The following IDO2 variants were observed in gnomAD, a reference collection of about 807,000 sequenced individuals.
IDO2 encodes the protein indoleamine 2,3-dioxygenase-like 1 protein.
IDO2 carries 46 observed loss-of-function variants against 45.1 expected under a neutral mutation model. That is an observed-to-expected ratio of 1.02 (90% CI 0.80 to 1.30). The LOEUF is 1.30. Among genes scored for constraint, IDO2 ranks in the 50% most tolerant of loss-of-function variants. IDO2 has a pLI of 0.00. For missense variants in IDO2, 544 were observed against 491.8 expected (o/e 1.11, Z -1.00); for synonymous variants, 218 against 184.9 (o/e 1.18, Z -1.45).
intron 2 of IDO2, among the ~76,000 whole-genome samples, chr8:39,955,468 C>T (rs575016438): frequency 6.6e-6 from 1 of 151,994 alleles, no homozygotes; most frequent in East Asian, 1.9e-4. Context: ...GTTGGCCAGG[C>T]TGGTCTCGAA....
chr8:39,975,815 G>A (rs763227685), intron 3 of IDO2, among the ~76,000 whole-genome samples: 12 of 151,892 alleles, frequency 7.9e-5, no homozygotes, highest in Admixed American at 1.3e-4. Flanking sequence ...TGAAAGTATC[G>A]TTTATCATAG....
At chr8:39,990,806 G>A (rs563571460) in intron 8 of IDO2, among the ~76,000 whole-genome samples, 2 of 152,266 alleles carry the variant, frequency 1.3e-5, no homozygotes, top group Non-Finnish European at 2.9e-5. Context: ...CACAGGCATG[G>A]TCAGTTACGG....
intron 1 of IDO2, among the ~76,000 whole-genome samples, chr8:39,936,828 A>G (rs1807559703): frequency 2.0e-5 from 3 of 152,212 alleles, no homozygotes; most frequent in Admixed American, 6.5e-5. Flanking sequence ...ACTGAAATCT[A>G]TAATTTCCAA....
intron 2 of IDO2, among the ~76,000 whole-genome samples, chr8:39,951,055 A>AACAAAACAAAACAAAACAAG (rs1807807655): frequency 6.6e-6 from 1 of 151,642 alleles, no homozygotes; most frequent in Non-Finnish European, 1.5e-5. Flanking sequence ...AACAAAACAA[A>AACAAAACAAAACAAAACAAG]ACAAAACAGC....
intron 2 of IDO2, 125 bp downstream of exon 2, chr8:39,949,389 A>G (rs1229862879): frequency 3.0e-6 from 2 of 671,776 alleles, no homozygotes; most frequent in Non-Finnish European, 4.9e-6. Flanking sequence ...TTACCTGAGA[A>G]AGATGCTACA....
chr8:39,941,095 G>A (rs897059981), intron 1 of IDO2, among the ~76,000 whole-genome samples: 2 of 151,076 alleles, frequency 1.3e-5, no homozygotes, highest in Non-Finnish European at 1.5e-5. Context: ...GGTGGCAGGG[G>A]CCCGTAATCC....
chr8:39,990,111 C>T (rs1808479015), intron 8 of IDO2, among the ~76,000 whole-genome samples: 1 of 152,142 alleles, frequency 6.6e-6, no homozygotes, highest in South Asian at 2.1e-4. Flanking sequence ...ATGTTGAGGT[C>T]TTGCCTGAAG....
intron 2 of IDO2, among the ~76,000 whole-genome samples, chr8:39,950,280 A>G (rs1308710262): frequency 6.6e-6 from 1 of 152,200 alleles, no homozygotes; most frequent in Admixed American, 6.5e-5. Context: ...CTATAATCCC[A>G]GCACTTTTGG....
intron 3 of IDO2, among the ~76,000 whole-genome samples, chr8:39,973,496 A>G (rs1455178388): frequency 6.6e-6 from 1 of 152,036 alleles, no homozygotes; most frequent in Non-Finnish European, 1.5e-5. Context: ...AAATACTGTG[A>G]AACAATGAAA....
chr8:39,978,644 C>T (rs140821079), intron 3 of IDO2, among the ~76,000 whole-genome samples: 4 of 152,208 alleles, frequency 2.6e-5, no homozygotes, highest in African/African-American at 9.6e-5. Context: ...AGGGCTGTTG[C>T]AGGGTCAGCG....
intron 8 of IDO2, among the ~76,000 whole-genome samples, chr8:39,996,154 A>G (rs1206124651): frequency 6.6e-6 from 1 of 151,390 alleles, no homozygotes; most frequent in Admixed American, 6.6e-5. Flanking sequence ...CGGGGGAGTT[A>G]GAGAAGACTC....
At chr8:39,992,349 T>A (rs1325664702) in intron 8 of IDO2, among the ~76,000 whole-genome samples, 1 of 152,198 alleles carries the variant, frequency 6.6e-6, no homozygotes, top group East Asian at 1.9e-4. Context: ...AAGAGCCATG[T>A]GGGTTCTCCA....
chr8:39,989,838 G>A (rs750479804), exon 8 of IDO2: 157 of 1,577,304 alleles, frequency 1.0e-4, no homozygotes, highest in Non-Finnish European at 4.3e-6. Context: ...ACAGATGCAT[G>A]GTAAGATGCT....
chr8:39,936,542 G>A (rs1181709328), intron 1 of IDO2, among the ~76,000 whole-genome samples: 2 of 152,216 alleles, frequency 1.3e-5, no homozygotes, highest in Non-Finnish European at 2.9e-5. Context: ...GCCCTGAGAT[G>A]AGCTGGTGGA....
chr8:39,938,851 A>G (rs1302989482), intron 1 of IDO2, among the ~76,000 whole-genome samples: 2 of 152,274 alleles, frequency 1.3e-5, no homozygotes, highest in African/African-American at 4.8e-5. Flanking sequence ...ATCATATGCC[A>G]TTAGGAAATT....
intron 3 of IDO2, among the ~76,000 whole-genome samples, chr8:39,978,162 C>T (rs1808290229): frequency 6.6e-6 from 1 of 152,222 alleles, no homozygotes; most frequent in African/African-American, 2.4e-5. Context: ...GATACCCCAA[C>T]CTCAACCCGG....
chr8:39,996,935 C>T (rs1028104048), intron 8 of IDO2, among the ~76,000 whole-genome samples: 2 of 152,122 alleles, frequency 1.3e-5, no homozygotes, highest in Admixed American at 6.6e-5. Context: ...TTGTAAACGC[C>T]GCTAATTGGC....
At chr8:39,999,779 T>G (rs1188008161) in intron 8 of IDO2, among the ~76,000 whole-genome samples, 1 of 152,210 alleles carries the variant, frequency 6.6e-6, no homozygotes, top group African/African-American at 2.4e-5. Context: ...GTTAAACTTT[T>G]TATTTTCTTC....
exon 11 of IDO2, chr8:40,015,720 C>T: frequency 1.4e-6 from 1 of 739,618 alleles, no homozygotes; most frequent in East Asian, 2.5e-5. Flanking sequence ...ATTCATGTTT[C>T]TGCTCTACAG....
Sources: allele counts gnomAD v4.1 joint callset (sites outside exome capture counted in the v4.1 genomes callset), GRCh38; gene constraint gnomAD v4.1.1; transcripts MANE v1.5; gene names NCBI Gene and HGNC (gene_info 2026-07-23, HGNC 2026-07-21).